Variants in ACTG1 observed in about 807,000 individuals in gnomAD.
ACTG1 encodes the protein actin gamma 1.
Under a neutral mutation model 34.3 loss-of-function variants are expected in ACTG1, and 14 were observed. The observed-to-expected ratio is 0.41, with a 90% CI of 0.27 to 0.64. The LOEUF (loss-of-function observed/expected upper bound fraction) is 0.64, where lower values mean the gene tolerates loss of function less well. Among genes scored for constraint, ACTG1 ranks in the 30% least tolerant of loss-of-function variants. ACTG1 has a pLI of 0.33. For missense variants in ACTG1, 233 were observed against 529.5 expected (o/e 0.44, Z 5.50); for synonymous variants, 422 against 213.9 (o/e 1.97, Z -8.49).
At position 81,510,460 on chromosome 17, in the gene ACTG1, C is replaced by T. The variant is rs2031688386; in HGVS notation, c.*230G>A. Reference sequence around the variant, plus strand: ...TAAAGGTTGAACTCAAAGATATGTACAGGGTATTAAACAAATACCAAGGGG... The same window carrying T: ...TAAAGGTTGAACTCAAAGATATGTATAGGGTATTAAACAAATACCAAGGGG... On this transcript the variant is annotated 3_prime_UTR_variant, in exon 6 of 6. Transcript: ENST00000573283. The T allele has an allele frequency of 2.9e-6, 2 of 689,032 alleles. No individual in the cohort carries two copies. Among genetic ancestry groups the T allele is most frequent in the Admixed American group, 2.1e-5 (1 of 48,688 alleles). 42.7% of individuals were successfully genotyped at this position (689,032 alleles called of 1,614,324 possible). A position where few individuals can be genotyped will look rare whatever the true frequency, so the allele number is the denominator to read the frequency against.
intron 1 of ACTG1, 66 bp downstream of exon 1, chr17:81,512,668 G>C (rs1483968845): frequency 2.4e-6 from 1 of 413,644 alleles, no homozygotes; most frequent in Non-Finnish European, 4.5e-6. Flanking sequence ...CTGGAAGCGG[G>C]GCCAGCCGGG....
intron 1 of ACTG1, 51 bp downstream of exon 1, chr17:81,512,683 G>C: frequency 5.0e-6 from 2 of 401,754 alleles, no homozygotes; most frequent in South Asian, 2.0e-5. Context: ...GCCGGGGTCG[G>C]GGGGCGCAGG....
Position 81,512,560 on chromosome 17 carries a change from G to A in ACTG1, c.-7+174C>T, listed in dbSNP as rs1598552497. 1.3e-5 allele frequency: 11 copies of A among 837,530 alleles called. No individual in the cohort carries two copies. In the East Asian group the frequency reaches 2.5e-4, roughly 19 times the overall value. The allele number at this position is 837,530 out of a possible 1,614,324, so 51.9% of individuals were successfully genotyped here. A position where few individuals can be genotyped will look rare whatever the true frequency, so the allele number is the denominator to read the frequency against. On this transcript the variant is annotated intron_variant, in intron 1 of 5. Coordinates refer to ENST00000573283, the MANE Select transcript of ACTG1 (RefSeq NM_001614.5). Reference sequence around the variant, plus strand: ...GCTCGGAAGTCTGCACTGCGGCCGGGCCCCGCCCTGGACCCCCGGCGCCCC... The same window carrying A: ...GCTCGGAAGTCTGCACTGCGGCCGGACCCCGCCCTGGACCCCCGGCGCCCC...
intron 3 of ACTG1, 56 bp downstream of exon 3, chr17:81,511,847 G>C (rs202038633): frequency 3.9e-5 from 63 of 1,610,492 alleles, no homozygotes; most frequent in Non-Finnish European, 5.1e-5. Flanking sequence ...AATCAAGCCG[G>C]GCAGAAAATG....
rs1568061170 is a variant in ACTG1, at chr17:81,511,288, A to G, written c.702T>C (p.Ser234=). The G allele has an allele frequency of 1.2e-6, 2 of 1,613,836 alleles. No individual in the cohort carries two copies. Among genetic ancestry groups the G allele is most frequent in the African/African-American group, 1.3e-5 (1 of 75,052 alleles). The change falls in exon 4 of 6, where the codon TCT becomes TCC. Residue 234 remains serine, a synonymous_variant. Transcript: ENST00000573283. ...EQEMATAASS[S]SLEKSYELPD... ...GCAGCTCGTAGCTCTTCTCCAGAGA[A>G]GAGGAGGATGCGGCGGTGGCCATCT...
At chr17:81,511,657 G>C in intron 3 of ACTG1, 31 bp from the exon 4 acceptor site, 1 of 1,604,372 alleles carries the variant, frequency 6.2e-7, no homozygotes. Context: ...GCTTAGTCAG[G>C]GACAGAGACC....
chr17:81,511,882 C>T (rs1351291088), intron 3 of ACTG1, 21 bp downstream of exon 3: 5 of 1,613,830 alleles, frequency 3.1e-6, no homozygotes, highest in Non-Finnish European at 2.5e-6. Flanking sequence ...GGGAGGAGCA[C>T]GGGCGTCGGC....
chr17:81,511,768 G>C (rs782781154), intron 3 of ACTG1, 135 bp downstream of exon 3: 5 of 1,541,982 alleles, frequency 3.2e-6, no homozygotes, highest in African/African-American at 1.4e-5. Flanking sequence ...GAAACCTGGA[G>C]GCTTCAGGGA....
At position 81,510,813 on chromosome 17, in the gene ACTG1, G is replaced by C; in HGVS notation, c.1005C>G (p.Arg335=). ...AGCCACCGATCCACACCGAGTACTT[G>C]CGCTCTGGGGGTGCGATGATCTGCA... The part of the protein sequence containing the change: ...MKIKIIAPPE[R]KYSVWIGGSI... Residue 335 remains arginine (R), a synonymous_variant, in exon 6 of 6, where the codon CGC becomes CGG. Transcript: ENST00000573283. 6.2e-7 allele frequency: 1 copy of C among 1,613,970 alleles called. No homozygotes were observed. The highest frequency in any genetic ancestry group is 1.3e-5 in the African/African-American group (1 of 75,040).
chr17:81,511,182 A>C lies in ACTG1; in HGVS notation c.802+6T>G, dbSNP rs782366708. The stretch of plus-strand genomic sequence containing the variant: ...AGAGTAGAAACCTTTAGCTCACAAC[A>C]CCTACCCAGGAAGGAAGGCTGGAAC... On this transcript the variant is annotated splice_donor_region_variant and intron_variant, in intron 4 of 5. Coordinates refer to ENST00000573283, the MANE Select transcript of ACTG1 (RefSeq NM_001614.5). 2 of 1,613,540 alleles carry C rather than the reference A, an allele frequency of 1.2e-6. No homozygotes were observed. Among genetic ancestry groups the C allele is most frequent in the Non-Finnish European group, 1.7e-6 (2 of 1,179,992 alleles).
rs143125497 is a variant in ACTG1 at position 81,511,306 on chromosome 17, G to A, written c.684C>T (p.Ala228=). The A allele has an allele frequency of 2.0e-3, 3,216 of 1,613,756 alleles. 3 individuals are homozygous for A. The highest frequency in any genetic ancestry group is 2.4e-3 in the South Asian group (216 of 91,082). ...CCAGAGAAGAGGAGGATGCGGCGGT[G>A]GCCATCTCCTGCTCGAAGTCCAGGG... ...YVALDFEQEM[A]TAASSSSLEK... Residue 228 remains alanine, a synonymous_variant, in exon 4 of 6, where the codon GCC becomes GCT. Transcript: ENST00000573283.
chr17:81,511,224 G>T lies in ACTG1; in HGVS notation c.766C>A (p.Arg256=), dbSNP rs281875329. Residue 256 remains arginine, a synonymous_variant, in exon 4 of 6, where the codon CGG becomes AGG. Coordinates refer to ENST00000573283, the MANE Select transcript of ACTG1 (RefSeq NM_001614.5). ...QVITIGNERF[R]CPEALFQPSF... ...GGCTGGAACAGCGCCTCCGGACACC[G>T]GAACCGCTCATTGCCAATGGTGATG... 1.1e-5 allele frequency: 18 copies of T among 1,613,744 alleles called. No individual in the cohort carries two copies. The East Asian group carries it at 3.6e-4, about 32-fold the overall frequency.
Position 81,510,052 on chromosome 17 carries a change from C to G in ACTG1, c.*638G>C, listed in dbSNP as rs1331954273. On this transcript the variant is annotated 3_prime_UTR_variant, in exon 6 of 6. Transcript: ENST00000573283. ...ATGTTCTCACATAACAGTAGAAAAC[C>G]AAAATTTGTTGTCATCTCTTCAAAG... The G allele has an allele frequency of 2.2e-6, 1 of 451,384 alleles. No homozygotes were observed. Among genetic ancestry groups the G allele is most frequent in the Admixed American group, 2.4e-5 (1 of 41,896 alleles). 28.0% of individuals were successfully genotyped at this position (451,384 alleles called of 1,614,324 possible).
In ACTG1 at chr17:81,511,276, C is replaced by T. The variant is rs11549173; in HGVS notation, c.714G>A (p.Lys238=). The part of the protein sequence containing the change: ...ATAASSSSLE[K]SYELPDGQVI... ...CCTGGCCATCGGGCAGCTCGTAGCTCTTCTCCAGAGAAGAGGAGGATGCGG... is the reference window on the plus strand; with the variant it reads ...CCTGGCCATCGGGCAGCTCGTAGCTTTTCTCCAGAGAAGAGGAGGATGCGG... Residue 238 remains lysine, a synonymous_variant, in exon 4 of 6, where the codon AAG becomes AAA. Coordinates refer to ENST00000573283, the MANE Select transcript of ACTG1 (RefSeq NM_001614.5). 5.0e-4 allele frequency: 800 copies of T among 1,613,860 alleles called. 1 individual carries two copies. In the African/African-American group the frequency reaches 9.5e-3, roughly 19 times the overall value.
At position 81,511,284 on chromosome 17, in the gene ACTG1, G is replaced by A. The variant is rs61997064; in HGVS notation, c.706C>T (p.Leu236=). 1.2e-6 allele frequency: 2 copies of A among 1,613,862 alleles called. No homozygotes were observed. The highest frequency in any genetic ancestry group is 1.1e-5 in the South Asian group (1 of 91,090). ...EMATAASSSS[L]EKSYELPDGQ... is the part of the protein sequence containing the mutation. The stretch of plus-strand genomic sequence containing the variant: ...TCGGGCAGCTCGTAGCTCTTCTCCA[G>A]AGAAGAGGAGGATGCGGCGGTGGCC... Residue 236 remains leucine, a synonymous_variant, in exon 4 of 6, where the codon CTG becomes TTG. Transcript: ENST00000573283.
chr17:81,512,362 T>C lies in ACTG1; in HGVS notation c.-6-2A>G, dbSNP rs782658755. On this transcript the variant is annotated splice_acceptor_variant, in intron 1 of 5. Coordinates refer to ENST00000573283, the MANE Select transcript of ACTG1 (RefSeq NM_001614.5). LOFTEE classifies it low-confidence loss of function (5UTR_SPLICE). ...GGCGATCTCTTCTTCCATTGCGACC[T>C]GCCCGGAAAAGGATGGACTCAGGCG... The C allele has an allele frequency of 6.2e-7, 1 of 1,613,938 alleles. No individual in the cohort carries two copies. Among genetic ancestry groups the C allele is most frequent in the Non-Finnish European group, 8.5e-7 (1 of 1,179,940 alleles).
Position 81,512,022 on chromosome 17 carries a change from T to G in ACTG1, c.244A>C (p.Met82Leu). The G allele has an allele frequency of 6.2e-7, 1 of 1,614,042 alleles. No individual in the cohort carries two copies. The highest frequency in any genetic ancestry group is 8.5e-7 in the Non-Finnish European group (1 of 1,180,028). The change falls in exon 3 of 6, where the codon ATG becomes CTG. Residue 82 changes from methionine to leucine, a missense_variant. Physicochemically the swap from Met to Leu is conservative, Grantham distance 15. Transcript: ENST00000573283. ...AAGGTGTGGTGCCAGATCTTCTCCA[T>G]GTCGTCCCAGTTGGTGACGATGCCA... ...EHGIVTNWDD[M>L]EKIWHHTFYN... is the part of the protein sequence containing the mutation.
At position 81,511,891 on chromosome 17, in the gene ACTG1, GC is replaced by G; in HGVS notation, c.363+11del. 1 of 1,614,056 alleles carries G rather than the reference GC, an allele frequency of 6.2e-7. No homozygotes were observed. Among genetic ancestry groups the G allele is most frequent in the Non-Finnish European group, 8.5e-7 (1 of 1,179,972 alleles). On this transcript the variant is annotated intron_variant, in intron 3 of 5. Coordinates refer to ENST00000573283, the MANE Select transcript of ACTG1 (RefSeq NM_001614.5). ...AAGGACGGGAGGAGCACGGGCGTCG[GC>G]CGAGCCTCACCTGAGTCATCTTCTC... is the stretch of plus-strand genomic sequence containing the variant.
Position 81,510,467 on chromosome 17 carries a change from T to A in ACTG1, c.*223A>T, listed in dbSNP as rs1555666181. 1 of 705,482 alleles carries A rather than the reference T, an allele frequency of 1.4e-6. No homozygotes were observed. Among genetic ancestry groups the A allele is most frequent in the African/African-American group, 1.8e-5 (1 of 57,082 alleles). 43.7% of individuals were successfully genotyped at this position (705,482 alleles called of 1,614,324 possible). ...TGAACTCAAAGATATGTACAGGGTA[T>A]TAAACAAATACCAAGGGGAACAGTT... On this transcript the variant is annotated 3_prime_UTR_variant, in exon 6 of 6. Transcript: ENST00000573283.
Sources: allele counts gnomAD v4.1 joint callset, GRCh38; gene constraint gnomAD v4.1.1; transcripts MANE v1.5; gene names NCBI Gene and HGNC (gene_info 2026-07-23, HGNC 2026-07-21).